PTP4A3: variants seen among roughly 807,000 people sequenced by gnomAD.
PTP4A3 encodes protein tyrosine phosphatase type IVA 3.
Under a neutral mutation model 15.2 loss-of-function variants are expected in PTP4A3, and 9 were observed. That is an observed-to-expected ratio of 0.59 (90% CI 0.36 to 1.03). The LOEUF (loss-of-function observed/expected upper bound fraction) is 1.03, where lower values mean the gene tolerates loss of function less well. PTP4A3 is among the 50% of genes least tolerant of loss of function. The pLI is 0.02. For missense variants in PTP4A3, 234 were observed against 252.1 expected (o/e 0.93, Z 0.49); for synonymous variants, 95 against 102.0 (o/e 0.93, Z 0.41).
At chr8:141,418,814 C>T (rs1286630862) in intron 1 of PTP4A3, among the ~76,000 whole-genome samples, 2 of 152,198 alleles carry the variant, frequency 1.3e-5, no homozygotes, top group African/African-American at 4.8e-5. Flanking sequence ...GTGCCCATCC[C>T]TGGGGATCCT....
intron 2 of PTP4A3, among the ~76,000 whole-genome samples, chr8:141,424,477 A>G (rs532421879): frequency 6.6e-6 from 1 of 152,016 alleles, no homozygotes; most frequent in Non-Finnish European, 1.5e-5. Context: ...CTTAGACCCT[A>G]AAAACTGGAC....
rs895992380 is a variant in PTP4A3 at position 141,406,437 on chromosome 8, A to G, written c.-854+14353A>G. Reference sequence around the variant, plus strand: ...CCGTCCTCTTTCTGCTGCCACCCAGAGCCCGCCCTTTCCGGAGAGCAGTTC... The same window carrying G: ...CCGTCCTCTTTCTGCTGCCACCCAGGGCCCGCCCTTTCCGGAGAGCAGTTC... On this transcript the variant is annotated intron_variant, in intron 1 of 5. Coordinates refer to ENST00000521578, the MANE Select transcript of PTP4A3 (RefSeq NM_032611.3). This position sits in a 1 kb window ranked among gnomAD's most constrained non-coding sequence, Gnocchi z 4.5. Among the ~76,000 whole-genome samples, 1 of 151,754 alleles carries G rather than the reference A, an allele frequency of 6.6e-6. No homozygotes were observed. Among genetic ancestry groups the G allele is most frequent in the Non-Finnish European group, 1.5e-5 (1 of 67,928 alleles).
rs1049941882 is a variant in PTP4A3, at chr8:141,431,210, C to G, written c.*166C>G. 1.5e-6 allele frequency: 1 copy of G among 648,330 alleles called. No individual in the cohort carries two copies. The highest frequency in any genetic ancestry group is 1.8e-5 in the African/African-American group (1 of 54,436). The allele number at this position is 648,330 out of a possible 1,614,324, so 40.2% of individuals were successfully genotyped here. A position where few individuals can be genotyped will look rare whatever the true frequency, so the allele number is the denominator to read the frequency against. On this transcript the variant is annotated 3_prime_UTR_variant, in exon 6 of 6. Coordinates refer to ENST00000521578, the MANE Select transcript of PTP4A3 (RefSeq NM_032611.3). ...CCTCCGTGCACTTGTGTCCGAGGAG[C>G]GAGGAGCCCCTCGGGCCCTGGGTGG...
At chr8:141,408,439 C>T (rs993701549) in intron 1 of PTP4A3, among the ~76,000 whole-genome samples, 10 of 152,058 alleles carry the variant, frequency 6.6e-5, no homozygotes, top group Non-Finnish European at 1.0e-4. Context: ...GCCAACATGG[C>T]GAAACCCTGT....
intron 2 of PTP4A3, among the ~76,000 whole-genome samples, chr8:141,423,058 C>A (rs1833408691): frequency 6.6e-6 from 1 of 152,206 alleles, no homozygotes; most frequent in Admixed American, 6.5e-5. Context: ...GAGCCTCTGA[C>A]TGTGCCAGGC....
intron 1 of PTP4A3, among the ~76,000 whole-genome samples, chr8:141,411,950 C>T (rs769739288): frequency 2.6e-5 from 4 of 152,190 alleles, no homozygotes; most frequent in Non-Finnish European, 5.9e-5. Flanking sequence ...GCCTGAGCCT[C>T]GGTTTACTCA....
chr8:141,418,151 C>T (rs1833140393), intron 1 of PTP4A3, among the ~76,000 whole-genome samples: 1 of 152,140 alleles, frequency 6.6e-6, no homozygotes, highest in South Asian at 2.1e-4. Flanking sequence ...GCGCCCCTTA[C>T]CACGACCCCA....
chr8:141,423,149 C>G (rs918774964), intron 2 of PTP4A3, among the ~76,000 whole-genome samples: 5 of 152,202 alleles, frequency 3.3e-5, no homozygotes, highest in South Asian at 2.1e-4. Context: ...CCATCATGGT[C>G]TTGTCATAAT....
Position 141,427,743 on chromosome 8 carries a change from C to A in PTP4A3, c.330-7C>A. ...CCGATGACCCCCGCCCTGCTGTTTG[C>A]CCCCAGGGCTCCAGTCCTTGTGGCG... On this transcript the variant is annotated splice_polypyrimidine_tract_variant and splice_region_variant and intron_variant, in intron 4 of 5. Coordinates refer to ENST00000521578, the MANE Select transcript of PTP4A3 (RefSeq NM_032611.3). The A allele has an allele frequency of 6.5e-7, 1 of 1,549,336 alleles. No individual in the cohort carries two copies. Among genetic ancestry groups the A allele is most frequent in the Middle Eastern group, 1.7e-4 (1 of 5,976 alleles).
At chr8:141,395,766 C>T (rs1832435203) in intron 1 of PTP4A3, among the ~76,000 whole-genome samples, 1 of 152,016 alleles carries the variant, frequency 6.6e-6, no homozygotes, top group African/African-American at 2.4e-5. Flanking sequence ...CCCCGTTCAT[C>T]TACCCAGTGG....
At chr8:141,394,652 G>A (rs1206852636) in intron 1 of PTP4A3, among the ~76,000 whole-genome samples, 2 of 152,244 alleles carry the variant, frequency 1.3e-5, no homozygotes, top group Admixed American at 6.5e-5. Flanking sequence ...CTTCCTGGCA[G>A]GACAGTGGTG....
At chr8:141,417,404 G>A (rs1447620771) in intron 1 of PTP4A3, among the ~76,000 whole-genome samples, 1 of 152,180 alleles carries the variant, frequency 6.6e-6, no homozygotes, top group East Asian at 1.9e-4. Flanking sequence ...CGGTGGGGCT[G>A]GTGGGCTGGG....
At chr8:141,413,487 A>ACAATTTC (rs1450539689) in intron 1 of PTP4A3, among the ~76,000 whole-genome samples, 22 of 152,320 alleles carry the variant, frequency 1.4e-4, no homozygotes, top group African/African-American at 5.3e-4. Context: ...CTGGAGCCGC[A>ACAATTTC]CAATTTCCGA....
In PTP4A3 at chr8:141,406,398, C is replaced by G. The variant is rs1292169648; in HGVS notation, c.-854+14314C>G. On this transcript the variant is annotated intron_variant, in intron 1 of 5. Transcript: ENST00000521578. This position sits in a 1 kb window ranked among gnomAD's most constrained non-coding sequence, Gnocchi z 4.5. Reference sequence around the variant, plus strand: ...CGGGGAGCAGTTCCCTGGGGTTTCCCCTGGGAAGTCCTGCCGTCCTCTTTC... The same window carrying G: ...CGGGGAGCAGTTCCCTGGGGTTTCCGCTGGGAAGTCCTGCCGTCCTCTTTC... Among the ~76,000 whole-genome samples the G allele has an allele frequency of 6.6e-6, 1 of 152,084 alleles. No individual in the cohort carries two copies. Among genetic ancestry groups the G allele is most frequent in the Non-Finnish European group, 1.5e-5 (1 of 67,988 alleles).
chr8:141,400,764 G>A (rs1174731289), intron 1 of PTP4A3, among the ~76,000 whole-genome samples: 1 of 152,158 alleles, frequency 6.6e-6, no homozygotes, highest in Non-Finnish European at 1.5e-5. Flanking sequence ...CTCTTGGGGG[G>A]CTGCCCGGGT....
chr8:141,416,782 G>A (rs1321648803), intron 1 of PTP4A3, among the ~76,000 whole-genome samples: 3 of 152,100 alleles, frequency 2.0e-5, no homozygotes, highest in Admixed American at 1.3e-4. Flanking sequence ...GGGAGGAGGC[G>A]AGGGTTGCCG....
At position 141,431,278 on chromosome 8, in the gene PTP4A3, C is replaced by A. The variant is rs112513034; in HGVS notation, c.*234C>A. On this transcript the variant is annotated 3_prime_UTR_variant, in exon 6 of 6. Transcript: ENST00000521578. ...CTGTCTCCGCCACTCCCTCTGGCGG[C>A]GCTGGCCGTGGCTCTGTCTCTCTGA... The A allele has an allele frequency of 1.5e-3, 834 of 563,616 alleles. 5 individuals carry two copies. Among genetic ancestry groups the A allele is most frequent in the African/African-American group, 0.014 (745 of 53,042 alleles). The allele number at this position is 563,616 out of a possible 1,614,324, so 34.9% of individuals were successfully genotyped here. A position where few individuals can be genotyped will look rare whatever the true frequency, so the allele number is the denominator to read the frequency against.
At chr8:141,428,443 C>T (rs1038777988) in intron 5 of PTP4A3, among the ~76,000 whole-genome samples, 8 of 152,192 alleles carry the variant, frequency 5.3e-5, no homozygotes, top group African/African-American at 1.4e-4. Context: ...TCTGGAGGAA[C>T]GGATGCGGCA....
chr8:141,407,977 C>T (rs150190461), intron 1 of PTP4A3, among the ~76,000 whole-genome samples: 2,595 of 137,048 alleles, frequency 0.019, 70 homozygotes, highest in African/African-American at 0.073. Context: ...ATTCTTCCAG[C>T]GTGGCCCAGG....
Sources: gnomAD v4.1 joint callset for allele counts (sites outside exome capture counted in the v4.1 genomes callset) on GRCh38, gnomAD v4.1.1 for gene constraint, Gnocchi (gnomAD v3.1) non-coding constraint, MANE v1.5 for transcripts, NCBI Gene and HGNC (gene_info 2026-07-23, HGNC 2026-07-21) for gene names.